The following LRMDA variants were observed in gnomAD, a reference collection of about 807,000 sequenced individuals.
The protein encoded by LRMDA is leucine rich melanocyte differentiation associated.
In LRMDA, 18 loss-of-function variants were observed where a neutral mutation model predicts 29.8. The observed-to-expected ratio is 0.60, with a 90% confidence interval of 0.42 to 0.90. The LOEUF is 0.90. LRMDA is among the 40% of genes least tolerant of loss of function. The pLI is 0.00. For synonymous variants in LRMDA, 125 were observed against 109.4 expected, an observed-to-expected ratio of 1.14 and a Z score of -0.89; for missense variants, 273 against 273.9, an observed-to-expected ratio of 1.00 and a Z score of 0.02.
At chr10:75,520,202 T>C (rs1355344666) in intron 2 of LRMDA, among the ~76,000 whole-genome samples, 1 of 152,196 alleles carries the variant, frequency 6.6e-6, no homozygotes, top group South Asian at 2.1e-4. Context: ...GTTCTCTGTA[T>C]TTCCCGAATT....
chr10:76,042,189 G>A (rs1848352555), intron 3 of LRMDA, among the ~76,000 whole-genome samples: 1 of 152,298 alleles, frequency 6.6e-6, no homozygotes, highest in African/African-American at 2.4e-5. Flanking sequence ...GACTGGTCTA[G>A]AGCATGCATG....
chr10:76,117,430 T>C (rs1015821605), intron 5 of LRMDA, among the ~76,000 whole-genome samples: 4 of 152,246 alleles, frequency 2.6e-5, no homozygotes, highest in Non-Finnish European at 5.9e-5. Context: ...GTACAAAGGA[T>C]ACTAAAATCT....
chr10:75,493,375 G>GTGTA (rs1845010386), intron 2 of LRMDA, among the ~76,000 whole-genome samples: 1 of 150,800 alleles, frequency 6.6e-6, no homozygotes, highest in Non-Finnish European at 1.5e-5. Context: ...GTGTGTGTGT[G>GTGTA]TGTGTGTGTG....
chr10:75,651,024 T>C (rs10824324), intron 2 of LRMDA, among the ~76,000 whole-genome samples: 30,788 of 152,108 alleles, frequency 0.2, 7,743 homozygotes, highest in African/African-American at 0.59. Context: ...TGGCCCAAAA[T>C]GTTCTCTCCA....
chr10:75,990,436 A>G (rs975655993), intron 2 of LRMDA, among the ~76,000 whole-genome samples: 1 of 152,180 alleles, frequency 6.6e-6, no homozygotes, highest in Admixed American at 6.5e-5. Flanking sequence ...TGTGAAAGAG[A>G]TATGGTTTAT....
In LRMDA at chr10:76,165,268, C is replaced by T. The variant is rs559637244; in HGVS notation, c.516+106485C>T. 1.2e-3 allele frequency among the ~76,000 whole-genome samples: 179 copies of T among 152,262 alleles called. 1 individual carries two copies. The highest frequency in any genetic ancestry group is 3.8e-3 in the African/African-American group (159 of 41,566). On this transcript the variant is annotated intron_variant, in intron 5 of 6. Coordinates refer to ENST00000611255, the MANE Select transcript of LRMDA (RefSeq NM_001305581.2). The stretch of plus-strand genomic sequence containing the variant: ...GATTACAGGCGTGAGACGCCATGCC[C>T]AGCCAAAAAGAGAGTTTTTTTTGAG...
intron 2 of LRMDA, among the ~76,000 whole-genome samples, chr10:76,008,533 T>C (rs1847715280): frequency 6.6e-6 from 1 of 152,244 alleles, no homozygotes; most frequent in African/African-American, 2.4e-5. Context: ...TCTTGAGGTG[T>C]TATATAAATA....
At chr10:75,571,699 G>T (rs1840439769) in intron 2 of LRMDA, among the ~76,000 whole-genome samples, 1 of 152,116 alleles carries the variant, frequency 6.6e-6, no homozygotes, top group African/African-American at 2.4e-5. Context: ...GTAACAGATG[G>T]TTCTACTTTT....
rs117849587 is a variant in LRMDA, at chr10:76,357,101, G to A, written c.601+32616G>A. Among the ~76,000 whole-genome samples the A allele has an allele frequency of 3.2e-3, 494 of 152,258 alleles. 1 individual carries two copies. Among genetic ancestry groups the A allele is most frequent in the Non-Finnish European group, 4.8e-3 (327 of 68,014 alleles). On this transcript the variant is annotated intron_variant, in intron 6 of 6. Coordinates refer to ENST00000611255, the MANE Select transcript of LRMDA (RefSeq NM_001305581.2). The stretch of plus-strand genomic sequence containing the variant: ...CATAGAAAGAGAGAAGAGGAGGCAT[G>A]GATACTTTTCCCCTCTCTTCCAACC...
intron 2 of LRMDA, among the ~76,000 whole-genome samples, chr10:75,611,082 TCAGA>T (rs1365624919): frequency 6.6e-6 from 1 of 151,990 alleles, no homozygotes; most frequent in Non-Finnish European, 1.5e-5. Flanking sequence ...GGTGGGGCAC[TCAGA>T]CAGGGGGAGC....
chr10:75,863,014 C>T (rs1844959000), intron 2 of LRMDA, among the ~76,000 whole-genome samples: 1 of 151,950 alleles, frequency 6.6e-6, no homozygotes, highest in Non-Finnish European at 1.5e-5. Flanking sequence ...AAAAAAAGCC[C>T]TGCATGTAAA....
chr10:75,525,745 A>G (rs1436839978), intron 2 of LRMDA, among the ~76,000 whole-genome samples: 2 of 151,494 alleles, frequency 1.3e-5, no homozygotes, highest in Non-Finnish European at 2.9e-5. Flanking sequence ...TGTTTATCTC[A>G]TTCCTTACCC....
intron 2 of LRMDA, among the ~76,000 whole-genome samples, chr10:75,456,896 G>A (rs1404864266): frequency 2.0e-5 from 3 of 152,240 alleles, no homozygotes; most frequent in South Asian, 2.1e-4. Flanking sequence ...GGCCGGTCTC[G>A]AATTCCTGAC....
At chr10:76,176,445 A>C (rs1850936168) in intron 5 of LRMDA, among the ~76,000 whole-genome samples, 1 of 152,222 alleles carries the variant, frequency 6.6e-6, no homozygotes, top group South Asian at 2.1e-4. Flanking sequence ...ACTGGCACAC[A>C]CCAGAGTACA....
chr10:76,532,913 G>T (rs949426604), intron 6 of LRMDA, among the ~76,000 whole-genome samples: 1 of 152,130 alleles, frequency 6.6e-6, no homozygotes, highest in Admixed American at 6.5e-5. Context: ...TTTCTCAGAT[G>T]AATATGACAT....
chr10:76,279,032 C>G (rs1160703334), intron 5 of LRMDA, among the ~76,000 whole-genome samples: 1 of 151,966 alleles, frequency 6.6e-6, no homozygotes, highest in African/African-American at 2.4e-5. Flanking sequence ...CTGCAAGGTC[C>G]TTGGGGATAG....
chr10:75,762,127 A>T (rs1348610851), intron 2 of LRMDA, among the ~76,000 whole-genome samples: 2 of 152,048 alleles, frequency 1.3e-5, no homozygotes, highest in African/African-American at 2.4e-5. Flanking sequence ...ATAATTTTTG[A>T]AGGATCTCAA....
Position 75,656,981 on chromosome 10 carries a change from T to C in LRMDA, c.131+218487T>C, listed in dbSNP as rs187335105. Among the ~76,000 whole-genome samples the C allele has an allele frequency of 9.8e-3, 1,497 of 152,306 alleles. 13 individuals carry two copies. The highest frequency in any genetic ancestry group is 0.016 in the Non-Finnish European group (1,093 of 68,020). ...TTAAGCATCATGTTCTGTTTCAATT[T>C]GTGAGCCAGCCCGAGAGACAATAAA... On this transcript the variant is annotated intron_variant, in intron 2 of 6. Transcript: ENST00000611255.
intron 2 of LRMDA, among the ~76,000 whole-genome samples, chr10:75,496,856 A>G (rs1039547238): frequency 6.6e-6 from 1 of 152,178 alleles, no homozygotes; most frequent in Non-Finnish European, 1.5e-5. Flanking sequence ...GCACATATGT[A>G]TATACATGAG....
Sources: gnomAD v4.1 joint callset for allele counts (sites outside exome capture counted in the v4.1 genomes callset) on GRCh38, gnomAD v4.1.1 for gene constraint, MANE v1.5 for transcripts, NCBI Gene and HGNC (gene_info 2026-07-23, HGNC 2026-07-21) for gene names.